RPTOR: variants seen among roughly 807,000 people sequenced by gnomAD.
The protein encoded by RPTOR is regulatory-associated protein of mTOR.
RPTOR carries 21 observed loss-of-function variants against 169.9 expected under a neutral mutation model. The ratio of observed to expected loss-of-function variants is 0.12; its 90% CI spans 0.09 to 0.18. RPTOR has a LOEUF of 0.18. RPTOR is among the 10% of genes least tolerant of loss of function. RPTOR has a pLI of 1.00. For missense variants in RPTOR, 1,133 were observed against 1,855.9 expected, an observed-to-expected ratio of 0.61 and a Z score of 7.16; for synonymous variants, 732 against 753.2, an observed-to-expected ratio of 0.97 and a Z score of 0.46.
At chr17:80,718,392 C>T (rs2066257226) in intron 4 of RPTOR, among the ~76,000 whole-genome samples, 1 of 152,188 alleles carries the variant, frequency 6.6e-6, no homozygotes, top group Admixed American at 6.5e-5. Flanking sequence ...TAAAATGGAT[C>T]TTATCATGGA....
chr17:80,733,822 T>C (rs2066412345), intron 5 of RPTOR, among the ~76,000 whole-genome samples: 1 of 152,292 alleles, frequency 6.6e-6, no homozygotes, highest in African/African-American at 2.4e-5. Context: ...ATTCACTCTA[T>C]TGGGTTTCTT....
chr17:80,921,986 T>G (rs2068750690), intron 21 of RPTOR, among the ~76,000 whole-genome samples: 1 of 152,060 alleles, frequency 6.6e-6, no homozygotes, highest in African/African-American at 2.4e-5. Context: ...CGGTCTTGAG[T>G]TCCAGGCCCC....
intron 27 of RPTOR, among the ~76,000 whole-genome samples, chr17:80,949,232 G>A (rs1056906876): frequency 2.0e-5 from 3 of 152,128 alleles, no homozygotes; most frequent in South Asian, 4.1e-4. Context: ...CCTGGGCTGC[G>A]ACTCCTCCTG....
In RPTOR at chr17:80,923,670, G is replaced by A. The variant is rs934881107; in HGVS notation, c.2805G>A (p.Glu935=). The change falls in exon 23 of 34, where the codon GAG becomes GAA. Residue 935 remains glutamate (E), a synonymous_variant. Transcript: ENST00000306801. ...GGAAGATGTTCGACAAGGGCCCAGA[G>A]CAGGTACGGGAGCCCGGCTGCCTGG... ...RTRKMFDKGP[E]QTADDADDAA... 1.9e-6 allele frequency: 3 copies of A among 1,591,644 alleles called. No individual in the cohort carries two copies. In the African/African-American group the frequency reaches 4.0e-5, roughly 21 times the overall value.
At chr17:80,764,670 T>C (rs911816155) in intron 6 of RPTOR, among the ~76,000 whole-genome samples, 2 of 152,302 alleles carry the variant, frequency 1.3e-5, no homozygotes, top group South Asian at 4.1e-4. Flanking sequence ...CCTTTGAGTA[T>C]ATACCCAGTA....
At chr17:80,687,736 G>A (rs1477232642) in intron 3 of RPTOR, among the ~76,000 whole-genome samples, 1 of 152,228 alleles carries the variant, frequency 6.6e-6, no homozygotes, top group Admixed American at 6.5e-5. Context: ...GATCTCCGAG[G>A]CTGCCTGTTT....
At chr17:80,763,652 A>G (rs550602655) in intron 6 of RPTOR, among the ~76,000 whole-genome samples, 2 of 152,364 alleles carry the variant, frequency 1.3e-5, no homozygotes, top group East Asian at 1.9e-4. Context: ...CATACATCCA[A>G]CAGGGAATGT....
rs139550514 is a variant in RPTOR, at chr17:80,773,882, C to T, written c.831-17568C>T. 2.2e-3 allele frequency: 2,184 copies of T among 985,354 alleles called. 3 individuals carry two copies. The highest frequency in any genetic ancestry group is 2.6e-3 in the Non-Finnish European group (2,124 of 829,916). 61.0% of individuals were successfully genotyped at this position (985,354 alleles called of 1,614,324 possible). On this transcript the variant is annotated intron_variant, in intron 6 of 33. Transcript: ENST00000306801. ...TGTGCATCAGAGCTCCCTCAGACGT[C>T]GACCGCTTCTGATTCCCTCCAGACA...
intron 1 of RPTOR, among the ~76,000 whole-genome samples, chr17:80,582,916 C>CT (rs71163971): frequency 0.012 from 1,615 of 139,308 alleles, 24 homozygotes; most frequent in African/African-American, 0.028. Context: ...CTTTTTTTTT[C>CT]TTTTTTTTTT....
intron 1 of RPTOR, among the ~76,000 whole-genome samples, chr17:80,589,632 T>G (rs1369632146): frequency 1.3e-5 from 2 of 152,258 alleles, no homozygotes; most frequent in African/African-American, 4.8e-5. Context: ...AGATTTATTC[T>G]TAGATACTTT....
intron 13 of RPTOR, 139 bp downstream of exon 13, chr17:80,858,039 G>A: frequency 1.4e-6 from 1 of 708,394 alleles, no homozygotes. Context: ...CTCTCTTCTG[G>A]GGTAAAGTGG....
At chr17:80,950,053 G>A (rs9907231) in intron 28 of RPTOR, among the ~76,000 whole-genome samples, 2,710 of 152,296 alleles carry the variant, frequency 0.018, 85 homozygotes, top group African/African-American at 0.062. Context: ...TGCCTGCACC[G>A]CTGCACGGCC....
At chr17:80,903,064 G>A (rs1448199541) in intron 20 of RPTOR, among the ~76,000 whole-genome samples, 3 of 152,204 alleles carry the variant, frequency 2.0e-5, no homozygotes, top group Non-Finnish European at 4.4e-5. Context: ...CATTTTTTAC[G>A]GTTTTGAAAA....
At chr17:80,640,911 G>A (rs961524506) in intron 2 of RPTOR, among the ~76,000 whole-genome samples, 6 of 152,276 alleles carry the variant, frequency 3.9e-5, no homozygotes, top group African/African-American at 1.2e-4. Context: ...GCCGCGGGCC[G>A]CGACCATGCT....
At chr17:80,879,366 G>A (rs1244062688) in intron 13 of RPTOR, among the ~76,000 whole-genome samples, 2 of 146,510 alleles carry the variant, frequency 1.4e-5, no homozygotes, top group East Asian at 2.1e-4. Flanking sequence ...CGCCTGCCCT[G>A]CTCCTGCTTG....
intron 5 of RPTOR, among the ~76,000 whole-genome samples, chr17:80,740,841 C>T (rs1039257012): frequency 6.6e-6 from 1 of 152,190 alleles, no homozygotes; most frequent in Non-Finnish European, 1.5e-5. Context: ...AATGTTTCCC[C>T]CTTAAGATTG....
chr17:80,822,354 G>A, intron 8 of RPTOR, 53 bp downstream of exon 8: 3 of 1,545,800 alleles, frequency 1.9e-6, no homozygotes, highest in South Asian at 2.2e-5. Flanking sequence ...GAGTGCGCGG[G>A]GAGCCGACTC....
chr17:80,665,087 G>C (rs899679914), intron 3 of RPTOR, among the ~76,000 whole-genome samples: 1 of 151,968 alleles, frequency 6.6e-6, no homozygotes, highest in Non-Finnish European at 1.5e-5. Context: ...AGATCTTTGG[G>C]CAAGGACTTT....
chr17:80,731,095 T>G (rs1181853018), intron 5 of RPTOR, among the ~76,000 whole-genome samples: 1 of 152,074 alleles, frequency 6.6e-6, no homozygotes, highest in East Asian at 1.9e-4. Context: ...CTCAGCCTGG[T>G]CTCAAACTCC....
Sources: allele counts gnomAD v4.1 joint callset (sites outside exome capture counted in the v4.1 genomes callset), GRCh38; gene constraint gnomAD v4.1.1; transcripts MANE v1.5; gene names NCBI Gene and HGNC (gene_info 2026-07-23, HGNC 2026-07-21).